Variants in INPP4B observed in about 807,000 individuals in gnomAD.
INPP4B encodes the protein inositol polyphosphate 4-phosphatase type II.
INPP4B carries 55 observed loss-of-function variants against 122.5 expected under a neutral mutation model. The ratio of observed to expected loss-of-function variants is 0.45; its 90% CI spans 0.36 to 0.56. The LOEUF (loss-of-function observed/expected upper bound fraction) is 0.56. Among genes scored for constraint, INPP4B ranks in the 20% least tolerant of loss-of-function variants. The pLI, the probability that INPP4B is intolerant of heterozygous loss-of-function variation, is 0.00. For missense variants in INPP4B, 1,000 were observed against 1,097.7 expected (o/e 0.91, Z 1.26); for synonymous variants, 403 against 388.7 (o/e 1.04, Z -0.43).
chr4:142,680,080 T>G (rs535809097), intron 2 of INPP4B, among the ~76,000 whole-genome samples: 22 of 151,980 alleles, frequency 1.4e-4, no homozygotes, highest in African/African-American at 4.1e-4. Context: ...CACTTTGAGT[T>G]CTGATTTAGA....
At chr4:142,672,241 T>C (rs1757102214) in intron 2 of INPP4B, among the ~76,000 whole-genome samples, 1 of 152,178 alleles carries the variant, frequency 6.6e-6, no homozygotes, top group Admixed American at 6.6e-5. Flanking sequence ...AAGTTTTCAT[T>C]TGTTTTCAGT....
intron 25 of INPP4B, among the ~76,000 whole-genome samples, chr4:142,064,489 T>C (rs1487144405): frequency 6.6e-6 from 1 of 152,166 alleles, no homozygotes; most frequent in Non-Finnish European, 1.5e-5. Context: ...ACCTTGAACA[T>C]ATGCATATGA....
intron 2 of INPP4B, among the ~76,000 whole-genome samples, chr4:142,671,142 T>C (rs1756931370): frequency 6.6e-6 from 1 of 152,122 alleles, no homozygotes; most frequent in South Asian, 2.1e-4. Context: ...ACCAAAGTTT[T>C]GGGCGGTTGC....
At chr4:142,365,202 T>TC (rs1242244520) in intron 7 of INPP4B, among the ~76,000 whole-genome samples, 1 of 152,086 alleles carries the variant, frequency 6.6e-6, no homozygotes, top group Non-Finnish European at 1.5e-5. Flanking sequence ...TTAAGAGATC[T>TC]CCTAGTCAGC....
At chr4:142,079,823 C>T (rs1407052987) in intron 25 of INPP4B, among the ~76,000 whole-genome samples, 1 of 151,936 alleles carries the variant, frequency 6.6e-6, no homozygotes. Flanking sequence ...ACAAGAGCTG[C>T]CAGGACACTT....
chr4:142,551,916 C>T (rs542742451), intron 2 of INPP4B, among the ~76,000 whole-genome samples: 6 of 152,272 alleles, frequency 3.9e-5, no homozygotes, highest in African/African-American at 1.4e-4. Flanking sequence ...TATTTTAGTC[C>T]TGTTGTGGTT....
intron 2 of INPP4B, among the ~76,000 whole-genome samples, chr4:142,633,475 A>T (rs972861470): frequency 6.6e-6 from 1 of 152,188 alleles, no homozygotes; most frequent in Non-Finnish European, 1.5e-5. Flanking sequence ...GCCAAAGCTG[A>T]TCACTTGCTG....
At chr4:142,585,658 C>T (rs1432234138) in intron 2 of INPP4B, among the ~76,000 whole-genome samples, 1 of 151,976 alleles carries the variant, frequency 6.6e-6, no homozygotes, top group African/African-American at 2.4e-5. Flanking sequence ...AGGAAAAGTT[C>T]CAGAAAGCTG....
chr4:142,451,742 T>C (rs1030167948), intron 3 of INPP4B, among the ~76,000 whole-genome samples: 1 of 152,108 alleles, frequency 6.6e-6, no homozygotes, highest in Non-Finnish European at 1.5e-5. Context: ...TGGCAAAATA[T>C]TGACAGTTAA....
intron 2 of INPP4B, among the ~76,000 whole-genome samples, chr4:142,676,948 C>T (rs778872999): frequency 1.1e-4 from 17 of 151,898 alleles, no homozygotes; most frequent in Non-Finnish European, 2.2e-4. Flanking sequence ...ACTTCATTAC[C>T]AAAACACCAA....
At chr4:142,392,931 C>T (rs941765425) in intron 7 of INPP4B, among the ~76,000 whole-genome samples, 4 of 152,098 alleles carry the variant, frequency 2.6e-5, no homozygotes, top group African/African-American at 7.2e-5. Context: ...TTGGTTTATG[C>T]GGACCCTGGG....
chr4:142,400,852 C>CA (rs1480342607), intron 7 of INPP4B, among the ~76,000 whole-genome samples: 8 of 152,206 alleles, frequency 5.3e-5, no homozygotes, highest in African/African-American at 1.9e-4. Flanking sequence ...CATTAGTTGT[C>CA]TATCTCCAAA....
intron 1 of INPP4B, among the ~76,000 whole-genome samples, chr4:142,773,582 A>G (rs1403353196): frequency 6.6e-6 from 1 of 152,190 alleles, no homozygotes; most frequent in Non-Finnish European, 1.5e-5. Context: ...GAAGAGCTAA[A>G]ATTTTAAAGC....
intron 24 of INPP4B, among the ~76,000 whole-genome samples, chr4:142,083,528 T>G (rs973959519): frequency 2.0e-5 from 3 of 152,204 alleles, no homozygotes; most frequent in African/African-American, 7.2e-5. Flanking sequence ...AGATCTAATG[T>G]GATATAACAA....
intron 11 of INPP4B, among the ~76,000 whole-genome samples, chr4:142,253,730 A>T (rs1361152010): frequency 1.3e-5 from 2 of 152,220 alleles, no homozygotes; most frequent in Non-Finnish European, 2.9e-5. Flanking sequence ...GCTGACTGCT[A>T]GCACAGCGGT....
intron 23 of INPP4B, among the ~76,000 whole-genome samples, chr4:142,102,187 A>G (rs1344592289): frequency 6.6e-6 from 1 of 152,090 alleles, no homozygotes; most frequent in Non-Finnish European, 1.5e-5. Flanking sequence ...GATTTAAGAT[A>G]AATTGAAATA....
chr4:142,090,409 T>C (rs1411316157), intron 23 of INPP4B, among the ~76,000 whole-genome samples: 1 of 140,832 alleles, frequency 7.1e-6, no homozygotes, highest in Non-Finnish European at 1.6e-5. Flanking sequence ...TTTTTTTTTT[T>C]CAACCCAATA....
At chr4:142,740,014 G>A (rs373552561) in intron 1 of INPP4B, among the ~76,000 whole-genome samples, 4 of 152,122 alleles carry the variant, frequency 2.6e-5, no homozygotes, top group Admixed American at 6.6e-5. Flanking sequence ...TGTGCATAAC[G>A]CACTAAAGCA....
chr4:142,486,140 C>T (rs1821166195), intron 2 of INPP4B, among the ~76,000 whole-genome samples: 1 of 152,104 alleles, frequency 6.6e-6, no homozygotes, highest in Non-Finnish European at 1.5e-5. Context: ...TTCTAGCTAC[C>T]AGCAATAGCC....
Sources: gnomAD v4.1 joint callset for allele counts (sites outside exome capture counted in the v4.1 genomes callset) on GRCh38, gnomAD v4.1.1 for gene constraint, MANE v1.5 for transcripts, NCBI Gene and HGNC (gene_info 2026-07-23, HGNC 2026-07-21) for gene names.